Variants in ZCWPW2 observed in about 807,000 individuals in gnomAD.
ZCWPW2 encodes zinc finger CW-type and PWWP domain containing 2, also known as zinc finger CW-type PWWP domain protein 2.
In ZCWPW2, 45 loss-of-function variants were observed where a neutral mutation model predicts 46.6. The observed-to-expected ratio is 0.96, with a 90% CI of 0.76 to 1.24. ZCWPW2 has a LOEUF of 1.24. Ranked by LOEUF, ZCWPW2 falls within the 50% of genes most tolerant of loss-of-function variation. The pLI is 0.00. For missense variants in ZCWPW2, 429 were observed against 403.9 expected, an observed-to-expected ratio of 1.06 and a Z score of -0.53; for synonymous variants, 152 against 137.1, an observed-to-expected ratio of 1.11 and a Z score of -0.76.
intron 4 of ZCWPW2, among the ~76,000 whole-genome samples, chr3:28,462,591 T>G (rs1698680516): frequency 6.6e-6 from 1 of 152,332 alleles, no homozygotes; most frequent in South Asian, 2.1e-4. Flanking sequence ...TTTGCAAATA[T>G]GAGGTAATAT....
At chr3:28,521,194 T>C (rs1575236072) in intron 9 of ZCWPW2, 78 bp downstream of exon 9, 1 of 1,443,594 alleles carries the variant, frequency 6.9e-7, no homozygotes, top group African/African-American at 1.5e-5. Context: ...TAGTTGTACA[T>C]TTTAAATATA....
intron 8 of ZCWPW2, among the ~76,000 whole-genome samples, chr3:28,517,109 G>C (rs924748044): frequency 3.3e-5 from 5 of 152,122 alleles, no homozygotes; most frequent in Admixed American, 6.5e-5. Flanking sequence ...AGAAAACTAA[G>C]TACTTTTTCC....
chr3:28,360,512 G>A (rs537775124), intron 1 of ZCWPW2, among the ~76,000 whole-genome samples: 6 of 145,658 alleles, frequency 4.1e-5, no homozygotes, highest in Non-Finnish European at 7.5e-5. Flanking sequence ...GACAGAGCAA[G>A]ACTTTGTCTG....
Position 28,462,109 on chromosome 3 carries a change from G to C in ZCWPW2, c.493-16705G>C, listed in dbSNP as rs558521945. ...CAGGGTTTCCTTGTTTTCCGGATCT[G>C]AGTTCCTTGAGGGTGGGCAGGGCAG... is the stretch of plus-strand genomic sequence containing the variant. On this transcript the variant is annotated intron_variant, in intron 4 of 9. Transcript: ENST00000383768. Among the ~76,000 whole-genome samples the C allele has an allele frequency of 2.6e-5, 4 of 152,294 alleles. No homozygotes were observed. The South Asian group carries it at 8.3e-4, about 32-fold the overall frequency.
chr3:28,431,221 T>G (rs1169749811), intron 3 of ZCWPW2, among the ~76,000 whole-genome samples: 1 of 152,190 alleles, frequency 6.6e-6, no homozygotes, highest in Non-Finnish European at 1.5e-5. Context: ...AGCAAATATA[T>G]CTTTGTATCA....
At chr3:28,407,554 A>T (rs1175766354) in intron 2 of ZCWPW2, among the ~76,000 whole-genome samples, 1 of 152,208 alleles carries the variant, frequency 6.6e-6, no homozygotes, top group Non-Finnish European at 1.5e-5. Flanking sequence ...GTAAGGGATC[A>T]GAGATTTTGA....
chr3:28,499,417 C>A (rs1345230880), intron 6 of ZCWPW2, among the ~76,000 whole-genome samples: 1 of 152,078 alleles, frequency 6.6e-6, no homozygotes, highest in African/African-American at 2.4e-5. Flanking sequence ...AGCTTTTTTT[C>A]ATATGTTTGT....
chr3:28,481,746 T>C (rs943108978), intron 5 of ZCWPW2, among the ~76,000 whole-genome samples: 2 of 152,288 alleles, frequency 1.3e-5, no homozygotes, highest in African/African-American at 4.8e-5. Flanking sequence ...AAAATGTATA[T>C]GTGAAAAGAT....
In ZCWPW2 at chr3:28,519,249, G is replaced by T. The variant is rs949918859; in HGVS notation, c.785-1743G>T. 9.2e-5 allele frequency among the ~76,000 whole-genome samples: 14 copies of T among 152,116 alleles called. 1 individual carries two copies. The highest frequency in any genetic ancestry group is 3.1e-4 in the African/African-American group (13 of 41,424). On this transcript the variant is annotated intron_variant, in intron 8 of 9. Coordinates refer to ENST00000383768, the MANE Select transcript of ZCWPW2 (RefSeq NM_001040432.4). ...CTTGTTTCAAACTATTTTGAAAGAG[G>T]TTTTCCATAGAGAAAACCTGAAATT...
chr3:28,367,537 C>T (rs1037100742), intron 1 of ZCWPW2, among the ~76,000 whole-genome samples: 4 of 152,154 alleles, frequency 2.6e-5, no homozygotes, highest in Non-Finnish European at 4.4e-5. Context: ...TGTTCTTTTA[C>T]ATTTGCTGAG....
intron 6 of ZCWPW2, among the ~76,000 whole-genome samples, chr3:28,495,688 A>AG (rs1699968686): frequency 6.6e-6 from 1 of 151,882 alleles, no homozygotes; most frequent in African/African-American, 2.4e-5. Context: ...TTTTTATTTA[A>AG]TTTTTTCTCT....
At chr3:28,461,008 CAT>C (rs1337914325) in intron 4 of ZCWPW2, 1 of 264,960 alleles carries the variant, frequency 3.8e-6, no homozygotes, top group Non-Finnish European at 8.6e-6. Context: ...TTGCTACAGA[CAT>C]ATAAGAAATA....
At chr3:28,502,005 G>A (rs1700154945) in intron 6 of ZCWPW2, among the ~76,000 whole-genome samples, 3 of 152,058 alleles carry the variant, frequency 2.0e-5, no homozygotes, top group African/African-American at 7.2e-5. Context: ...TTACAGGCAT[G>A]AGCCACCCAC....
chr3:28,411,478 AT>A (rs1216927794), intron 2 of ZCWPW2, among the ~76,000 whole-genome samples: 2 of 151,984 alleles, frequency 1.3e-5, no homozygotes, highest in African/African-American at 4.8e-5. Flanking sequence ...AAAAAAAAAA[AT>A]CTACTATCAT....
chr3:28,511,074 A>T (rs561187875), intron 6 of ZCWPW2: 1 of 456,026 alleles, frequency 2.2e-6, no homozygotes, highest in East Asian at 7.0e-5. Flanking sequence ...GACCCTGGGC[A>T]TAATCAATGC....
At chr3:28,393,127 T>TA (rs1437702937) in intron 2 of ZCWPW2, among the ~76,000 whole-genome samples, 1 of 151,902 alleles carries the variant, frequency 6.6e-6, no homozygotes, top group Non-Finnish European at 1.5e-5. Flanking sequence ...TTACAACAGA[T>TA]ACCATAGAAA....
chr3:28,412,515 C>T (rs1176907499), intron 2 of ZCWPW2, among the ~76,000 whole-genome samples: 1 of 152,084 alleles, frequency 6.6e-6, no homozygotes, highest in East Asian at 1.9e-4. Flanking sequence ...AGATCACAAA[C>T]TTAGAATCAA....
At chr3:28,507,371 C>T (rs1700304499) in intron 6 of ZCWPW2, among the ~76,000 whole-genome samples, 1 of 152,010 alleles carries the variant, frequency 6.6e-6, no homozygotes, top group Non-Finnish European at 1.5e-5. Context: ...CTGTAGTAAA[C>T]CTTTTTACTT....
chr3:28,439,533 T>G (rs1327677569), intron 4 of ZCWPW2, among the ~76,000 whole-genome samples: 1 of 152,076 alleles, frequency 6.6e-6, no homozygotes, highest in Non-Finnish European at 1.5e-5. Flanking sequence ...TCAATCAAGT[T>G]GACACTCAGT....
Sources: allele counts gnomAD v4.1 joint callset (sites outside exome capture counted in the v4.1 genomes callset), GRCh38; gene constraint gnomAD v4.1.1; transcripts MANE v1.5; gene names NCBI Gene and HGNC (gene_info 2026-07-23, HGNC 2026-07-21).